Variants in JADE1 observed in about 807,000 individuals in gnomAD.
JADE1 encodes jade family PHD finger 1.
Under a neutral mutation model 81.8 loss-of-function variants are expected in JADE1, and 14 were observed. The ratio of observed to expected loss-of-function variants is 0.17; its 90% CI spans 0.11 to 0.27. The LOEUF is 0.27. JADE1 is among the 10% of genes least tolerant of loss of function. The pLI, the probability that JADE1 is intolerant of heterozygous loss-of-function variation, is 1.00. For missense variants in JADE1, 690 were observed against 1,047.9 expected, an observed-to-expected ratio of 0.66 and a Z score of 4.71; for synonymous variants, 353 against 391.9, an observed-to-expected ratio of 0.90 and a Z score of 1.17.
Position 128,872,717 on chromosome 4 carries a change from A to T in JADE1, c.*455A>T, listed in dbSNP as rs1189843944. The T allele has an allele frequency of 3.4e-6, 1 of 297,320 alleles. No individual in the cohort carries two copies. The highest frequency in any genetic ancestry group is 6.9e-6 in the Non-Finnish European group (1 of 145,770). 18.4% of individuals were successfully genotyped at this position (297,320 alleles called of 1,614,324 possible). Reference sequence around the variant, plus strand: ...TTTCTAGGACTGTGGTAGATCTTGAAATCATATTTATATTTGGCCCTCAAG... The same window carrying T: ...TTTCTAGGACTGTGGTAGATCTTGATATCATATTTATATTTGGCCCTCAAG... On this transcript the variant is annotated 3_prime_UTR_variant, in exon 11 of 11. Transcript: ENST00000226319.
intron 3 of JADE1, 79 bp downstream of exon 3, chr4:128,843,117 A>G: frequency 8.8e-7 from 1 of 1,140,444 alleles, no homozygotes. Flanking sequence ...CTATTTGTGC[A>G]GTCCTGGGCA....
At chr4:128,840,690 G>A (rs1288611608) in intron 2 of JADE1, among the ~76,000 whole-genome samples, 2 of 152,182 alleles carry the variant, frequency 1.3e-5, no homozygotes, top group Non-Finnish European at 2.9e-5. Flanking sequence ...CTTTTTTCCA[G>A]TAATGACCAG....
chr4:128,856,466 A>G (rs996444313), intron 7 of JADE1, among the ~76,000 whole-genome samples: 4 of 152,144 alleles, frequency 2.6e-5, no homozygotes, highest in African/African-American at 9.7e-5. Flanking sequence ...TCATTCCCCA[A>G]GGATCAGCTG....
At chr4:128,853,924 A>AC (rs1730580373) in intron 6 of JADE1, among the ~76,000 whole-genome samples, 1 of 152,030 alleles carries the variant, frequency 6.6e-6, no homozygotes, top group South Asian at 2.1e-4. Context: ...TCTGGATCTC[A>AC]CACTGTCTGG....
At chr4:128,822,908 T>C (rs531294344) in intron 1 of JADE1, among the ~76,000 whole-genome samples, 16 of 152,330 alleles carry the variant, frequency 1.1e-4, no homozygotes, top group Admixed American at 1.0e-3. Context: ...TCCTATTATA[T>C]ATAAATGCTC....
chr4:128,855,333 T>C (rs1345678756), intron 6 of JADE1, among the ~76,000 whole-genome samples: 1 of 152,214 alleles, frequency 6.6e-6, no homozygotes, highest in Non-Finnish European at 1.5e-5. Context: ...GCAGATTTCA[T>C]TTAAACCTTT....
At chr4:128,855,291 G>A (rs946894029) in intron 6 of JADE1, among the ~76,000 whole-genome samples, 24 of 152,174 alleles carry the variant, frequency 1.6e-4, no homozygotes, top group Non-Finnish European at 3.4e-4. Flanking sequence ...TAGAAACTTG[G>A]TATGGATGGG....
rs1729866391 is a variant in JADE1, at chr4:128,846,245, A to G, written c.139-130A>G. 1.9e-5 allele frequency: 17 copies of G among 897,754 alleles called. No homozygotes were observed. In the South Asian group the frequency reaches 2.9e-4, roughly 15 times the overall value. The allele number at this position is 897,754 out of a possible 1,614,324, so 55.6% of individuals were successfully genotyped here. A position where few individuals can be genotyped will look rare whatever the true frequency, so the allele number is the denominator to read the frequency against. On this transcript the variant is annotated intron_variant, in intron 3 of 10. Coordinates refer to ENST00000226319, the MANE Select transcript of JADE1 (RefSeq NM_199320.4). The surrounding 1 kb of genome is among the most constrained non-coding windows in gnomAD (Gnocchi z 4.0). ...GTGTCAGGCAAAGTTTTTCTGTAATAGGTCAGGCTTGTTCTATGTTGATAC... is the reference window on the plus strand; with the variant it reads ...GTGTCAGGCAAAGTTTTTCTGTAATGGGTCAGGCTTGTTCTATGTTGATAC...
At chr4:128,858,114 C>T (rs936972247) in intron 8 of JADE1, among the ~76,000 whole-genome samples, 15 of 151,836 alleles carry the variant, frequency 9.9e-5, no homozygotes, top group African/African-American at 2.2e-4. Context: ...TGAGCGTGAG[C>T]GAAAGAGTGC....
rs373404488 is a variant in JADE1, at chr4:128,871,319, T to C, written c.1622-36T>C. 13 of 1,571,848 alleles carry C rather than the reference T, an allele frequency of 8.3e-6. No individual in the cohort carries two copies. Among genetic ancestry groups the C allele is most frequent in the South Asian group, 2.3e-5 (2 of 86,280 alleles). ...TTTATTCTTTTGGATTTGCTTCTGC[T>C]GTAATTTTTCTTTATTTGTGGTTTT... On this transcript the variant is annotated intron_variant, in intron 10 of 10. Coordinates refer to ENST00000226319, the MANE Select transcript of JADE1 (RefSeq NM_199320.4). This position sits in a 1 kb window ranked among gnomAD's most constrained non-coding sequence, Gnocchi z 4.1.
chr4:128,831,952 C>A (rs1728596278), intron 2 of JADE1, 142 bp downstream of exon 2: 2 of 745,520 alleles, frequency 2.7e-6, no homozygotes, highest in Non-Finnish European at 4.8e-6. Flanking sequence ...GAGAAACGTA[C>A]CTGAGTGTGA....
At chr4:128,868,080 A>G (rs1731913896) in intron 10 of JADE1, 107 bp downstream of exon 10, 3 of 616,600 alleles carry the variant, frequency 4.9e-6, no homozygotes, top group Non-Finnish European at 8.6e-6. Context: ...GAAGAATTTA[A>G]GAAGCATAGA....
intron 2 of JADE1, among the ~76,000 whole-genome samples, chr4:128,833,833 T>C (rs559675237): frequency 2.7e-4 from 41 of 152,328 alleles, no homozygotes; most frequent in African/African-American, 7.5e-4. Context: ...AGGTGTATGC[T>C]CACTCTGTCT....
intron 1 of JADE1, among the ~76,000 whole-genome samples, chr4:128,825,343 T>TTA (rs1182115013): frequency 1.3e-5 from 2 of 152,294 alleles, no homozygotes; most frequent in African/African-American, 4.8e-5. Context: ...CCCAGCCCTC[T>TTA]TATTCTTTTG....
intron 2 of JADE1, among the ~76,000 whole-genome samples, chr4:128,839,836 G>A (rs1388418365): frequency 6.6e-6 from 1 of 152,146 alleles, no homozygotes; most frequent in Non-Finnish European, 1.5e-5. Context: ...TGTTTAGGTT[G>A]TTTCTGATTT....
intron 9 of JADE1, chr4:128,864,730 G>A: frequency 2.5e-6 from 1 of 401,198 alleles, no homozygotes; most frequent in Non-Finnish European, 3.4e-6. Context: ...CTACAATCAA[G>A]GCATATGATC....
In JADE1 at chr4:128,857,192, A is replaced by T. The variant is rs1260827511; in HGVS notation, c.865-146A>T. ...TCACTGGGGCTGTTCTGAGGCTTTT[A>T]AAGTAAGGGTTTGCTTTGAGTGGGT... On this transcript the variant is annotated intron_variant, in intron 7 of 10. Coordinates refer to ENST00000226319, the MANE Select transcript of JADE1 (RefSeq NM_199320.4). 13 of 683,670 alleles carry T rather than the reference A, an allele frequency of 1.9e-5. No homozygotes were observed. The Middle Eastern group carries it at 1.4e-3, about 71-fold the overall frequency. 42.4% of individuals were successfully genotyped at this position (683,670 alleles called of 1,614,324 possible). A position where few individuals can be genotyped will look rare whatever the true frequency, so the allele number is the denominator to read the frequency against.
At position 128,872,067 on chromosome 4, in the gene JADE1, T is replaced by G. The variant is rs764188762; in HGVS notation, c.2334T>G (p.Tyr778Ter). The change falls in exon 11 of 11, where the codon TAT becomes TAG. Residue 778 changes from tyrosine to a stop codon, truncating the protein, a stop_gained. Coordinates refer to ENST00000226319, the MANE Select transcript of JADE1 (RefSeq NM_199320.4). LOFTEE classifies it high-confidence loss of function. ...GACHQHSDYP[Y>*]LGLGRVPAKE... ...GCCACCAGCACTCAGACTACCCATATTTGGGCTTAGGCCGAGTTCCAGCCA... is the reference window on the plus strand; with the variant it reads ...GCCACCAGCACTCAGACTACCCATAGTTGGGCTTAGGCCGAGTTCCAGCCA... 1.2e-6 allele frequency: 2 copies of G among 1,614,122 alleles called. No homozygotes were observed. The highest frequency in any genetic ancestry group is 1.7e-6 in the Non-Finnish European group (2 of 1,180,012).
chr4:128,825,281 A>G (rs1389865364), intron 1 of JADE1, among the ~76,000 whole-genome samples: 1 of 152,114 alleles, frequency 6.6e-6, no homozygotes, highest in Non-Finnish European at 1.5e-5. Flanking sequence ...CTCAAGTGAT[A>G]TGCCTGCCTC....
Sources: gnomAD v4.1 joint callset for allele counts (sites outside exome capture counted in the v4.1 genomes callset) on GRCh38, gnomAD v4.1.1 for gene constraint, Gnocchi (gnomAD v3.1) non-coding constraint, MANE v1.5 for transcripts, NCBI Gene and HGNC (gene_info 2026-07-23, HGNC 2026-07-21) for gene names.